COX7B2: variants seen among roughly 807,000 people sequenced by gnomAD.
COX7B2 encodes cytochrome c oxidase subunit 7B2, mitochondrial.
For missense variants in COX7B2, 109 were observed against 95.9 expected (o/e 1.14, Z -0.57); for synonymous variants, 37 against 32.1 (o/e 1.15, Z -0.51).
chr4:46,855,605 C>T (rs1241619999), intron 1 of COX7B2, among the ~76,000 whole-genome samples: 1 of 151,710 alleles, frequency 6.6e-6, no homozygotes, highest in Non-Finnish European at 1.5e-5. Context: ...TATTGTGATA[C>T]TCTGATTTAC....
chr4:46,757,984 C>T (rs1271120452), intron 2 of COX7B2, among the ~76,000 whole-genome samples: 3 of 151,914 alleles, frequency 2.0e-5, no homozygotes, highest in Non-Finnish European at 2.9e-5. Context: ...TGCAGGCCTC[C>T]AAGCAATTTT....
chr4:46,885,523 T>C (rs879505654), intron 1 of COX7B2, among the ~76,000 whole-genome samples: 5 of 152,166 alleles, frequency 3.3e-5, no homozygotes, highest in Admixed American at 6.5e-5. Context: ...TGAATAAACA[T>C]ACCCCATTCT....
chr4:46,757,698 G>A (rs943490832), intron 2 of COX7B2, among the ~76,000 whole-genome samples: 2 of 152,010 alleles, frequency 1.3e-5, no homozygotes, highest in East Asian at 1.9e-4. Context: ...CTATTCTTAC[G>A]GAGTTTATGT....
Position 46,827,095 on chromosome 4 carries a change from G to A in COX7B2, c.-50+17865C>T, listed in dbSNP as rs143195311. 9.1e-3 allele frequency among the ~76,000 whole-genome samples: 1,383 copies of A among 152,194 alleles called. 41 individuals are homozygous for A. Among genetic ancestry groups the A allele is most frequent in the Admixed American group, 0.053 (809 of 15,288 alleles). On this transcript the variant is annotated intron_variant, in intron 2 of 2. Transcript: ENST00000355591. ...GATTGAAAAACAATAAAGGTTCAGAGACTTGAGGGATAATATCAAATGATT... is the reference window on the plus strand; with the variant it reads ...GATTGAAAAACAATAAAGGTTCAGAAACTTGAGGGATAATATCAAATGATT...
In COX7B2 at chr4:46,754,728, GTA is replaced by G. The variant is rs56248005; in HGVS notation, c.-49-19489_-49-19488del. Among the ~76,000 whole-genome samples, 20 of 39,862 alleles carry G rather than the reference GTA, an allele frequency of 5.0e-4. 1 individual carries two copies. The highest frequency in any genetic ancestry group is 1.4e-3 in the Admixed American group (3 of 2,204). 26.2% of individuals were successfully genotyped at this position (39,862 alleles called of 152,430 possible). A position where few individuals can be genotyped will look rare whatever the true frequency, so the allele number is the denominator to read the frequency against. On this transcript the variant is annotated intron_variant, in intron 2 of 2. Transcript: ENST00000355591. ...TGTGTGTGTGTGTGTGTGTGTGTGT[GTA>G]TATATATATATATATATATGAAAGA...
chr4:46,879,170 C>T (rs1053610702), intron 1 of COX7B2, among the ~76,000 whole-genome samples: 11 of 151,936 alleles, frequency 7.2e-5, no homozygotes, highest in African/African-American at 2.2e-4. Flanking sequence ...TTTGCCCAGA[C>T]GAAGTACAAT....
intron 2 of COX7B2, among the ~76,000 whole-genome samples, chr4:46,824,850 C>T (rs910683543): frequency 6.6e-6 from 1 of 151,996 alleles, no homozygotes; most frequent in Non-Finnish European, 1.5e-5. Context: ...TTAAAAAACT[C>T]TCAATAACCT....
At chr4:46,801,238 TA>T (rs1718639380) in intron 2 of COX7B2, among the ~76,000 whole-genome samples, 1 of 152,172 alleles carries the variant, frequency 6.6e-6, no homozygotes, top group African/African-American at 2.4e-5. Flanking sequence ...ACTGGGTATA[TA>T]TTAAAAGGAA....
At chr4:46,822,903 T>C (rs890862344) in intron 2 of COX7B2, among the ~76,000 whole-genome samples, 5 of 152,180 alleles carry the variant, frequency 3.3e-5, no homozygotes, top group African/African-American at 4.8e-5. Flanking sequence ...AACAAAACTA[T>C]ACAAATAGCA....
chr4:46,803,237 T>G (rs983294889), intron 2 of COX7B2, among the ~76,000 whole-genome samples: 1 of 152,186 alleles, frequency 6.6e-6, no homozygotes, highest in Non-Finnish European at 1.5e-5. Flanking sequence ...CTCAGTAGTT[T>G]GAGGCTTTGC....
chr4:46,840,064 G>T (rs755373150), intron 2 of COX7B2, among the ~76,000 whole-genome samples: 5 of 152,060 alleles, frequency 3.3e-5, no homozygotes, highest in Non-Finnish European at 7.4e-5. Context: ...CCAAAGGAAG[G>T]CAATTGCTGG....
intron 2 of COX7B2, among the ~76,000 whole-genome samples, chr4:46,826,330 C>T (rs1714690720): frequency 6.6e-6 from 1 of 152,068 alleles, no homozygotes; most frequent in African/African-American, 2.4e-5. Flanking sequence ...TACCATCTTA[C>T]ACCAGTTAAA....
At chr4:46,761,460 T>C (rs1022754250) in intron 2 of COX7B2, among the ~76,000 whole-genome samples, 5 of 152,164 alleles carry the variant, frequency 3.3e-5, no homozygotes, top group Non-Finnish European at 7.3e-5. Context: ...AATTTGTCAG[T>C]CATTCCCACT....
chr4:46,751,715 A>C (rs556975349), intron 2 of COX7B2, among the ~76,000 whole-genome samples: 1 of 152,248 alleles, frequency 6.6e-6, no homozygotes, highest in East Asian at 1.9e-4. Context: ...TACTTCATTG[A>C]GGAAAAGACA....
In COX7B2 at chr4:46,836,514, C is replaced by A. The variant is rs184276132; in HGVS notation, c.-50+8446G>T. ...GAAGCAGTAACACACATAGAGCTGT[C>A]ATCTCTTGTGAGAACAATGCTTTCT... is the stretch of plus-strand genomic sequence containing the variant. On this transcript the variant is annotated intron_variant, in intron 2 of 2. Transcript: ENST00000355591. Among the ~76,000 whole-genome samples, 152 of 151,992 alleles carry A rather than the reference C, an allele frequency of 1.0e-3. 1 individual carries two copies. The highest frequency in any genetic ancestry group is 3.4e-3 in the African/African-American group (143 of 41,466).
chr4:46,906,840 C>A (rs947409518), intron 1 of COX7B2, among the ~76,000 whole-genome samples: 7 of 152,206 alleles, frequency 4.6e-5, no homozygotes, highest in African/African-American at 1.7e-4. Context: ...ATCTTCTTGC[C>A]TGGCTCATTC....
intron 2 of COX7B2, among the ~76,000 whole-genome samples, chr4:46,824,108 C>T (rs937260035): frequency 7.9e-5 from 12 of 152,048 alleles, no homozygotes; most frequent in African/African-American, 1.9e-4. Flanking sequence ...CCTCCCAAGA[C>T]GGAGCTAGTA....
At chr4:46,797,902 C>A (rs1386932681) in intron 2 of COX7B2, among the ~76,000 whole-genome samples, 1 of 152,224 alleles carries the variant, frequency 6.6e-6, no homozygotes, top group Non-Finnish European at 1.5e-5. Context: ...GTAAAGACAC[C>A]AGCAGTGGTC....
At chr4:46,849,821 A>T (rs1716546942) in intron 1 of COX7B2, among the ~76,000 whole-genome samples, 1 of 151,958 alleles carries the variant, frequency 6.6e-6, no homozygotes, top group South Asian at 2.1e-4. Flanking sequence ...ATATCTCCAA[A>T]TGCTATCCCT....
Sources: allele counts gnomAD v4.1 joint callset (sites outside exome capture counted in the v4.1 genomes callset), GRCh38; gene constraint gnomAD v4.1.1; transcripts MANE v1.5; gene names NCBI Gene and HGNC (gene_info 2026-07-23, HGNC 2026-07-21).